The following RABGAP1L variants were observed in gnomAD, a reference collection of about 807,000 sequenced individuals.
The protein encoded by RABGAP1L is RAB GTPase activating protein 1 like, also known as rab GTPase-activating protein 1-like.
RABGAP1L carries 63 observed loss-of-function variants against 137.7 expected under a neutral mutation model. That is an observed-to-expected ratio of 0.46 (90% CI 0.37 to 0.56). The LOEUF (loss-of-function observed/expected upper bound fraction) is 0.56, where lower values mean the gene tolerates loss of function less well. Ranked by LOEUF, RABGAP1L falls within the 20% of genes least tolerant of loss-of-function variation. The probability of loss-of-function intolerance (pLI) is 0.00; values close to 1 mark genes in which losing one functional copy is unlikely to be tolerated. For missense variants in RABGAP1L, 1,095 were observed against 1,244.0 expected (o/e 0.88, Z 1.80); for synonymous variants, 431 against 433.7 (o/e 0.99, Z 0.08).
chr1:174,652,608 C>A (rs1675620132), intron 14 of RABGAP1L, among the ~76,000 whole-genome samples: 1 of 152,198 alleles, frequency 6.6e-6, no homozygotes, highest in South Asian at 2.1e-4. Context: ...ACCTTGTTTG[C>A]CTGCGTATCA....
intron 13 of RABGAP1L, among the ~76,000 whole-genome samples, chr1:174,611,375 G>C (rs182124616): frequency 5.9e-5 from 9 of 152,090 alleles, no homozygotes; most frequent in African/African-American, 2.2e-4. Flanking sequence ...TAGATATGTG[G>C]TGTTACTTCT....
At chr1:174,849,119 C>T (rs1450357622) in intron 19 of RABGAP1L, among the ~76,000 whole-genome samples, 1 of 152,162 alleles carries the variant, frequency 6.6e-6, no homozygotes, top group Non-Finnish European at 1.5e-5. Context: ...TGGCCTGCGC[C>T]CACTGTCTGG....
chr1:174,319,395 C>A (rs562427098), intron 11 of RABGAP1L, among the ~76,000 whole-genome samples: 1 of 152,086 alleles, frequency 6.6e-6, no homozygotes, highest in Admixed American at 6.5e-5. Context: ...ATACAGGTAA[C>A]CTTACTATTC....
rs2149363425 is a variant in RABGAP1L, at chr1:174,968,891, T to G, written c.2434-386T>G. Reference sequence around the variant, plus strand: ...CCTGTTTCATTCCTACTGTGTCTTGTGGTTTCTCTTGAGGTCAAGGGTGAG... The same window carrying G: ...CCTGTTTCATTCCTACTGTGTCTTGGGGTTTCTCTTGAGGTCAAGGGTGAG... On this transcript the variant is annotated intron_variant, in intron 20 of 25. Transcript: ENST00000681986. Among the ~76,000 whole-genome samples, 6 of 152,302 alleles carry G rather than the reference T, an allele frequency of 3.9e-5. No homozygotes were observed. In the Middle Eastern group the frequency reaches 0.02, roughly 518 times the overall value.
rs768168280 is a variant in RABGAP1L, at chr1:174,976,188, A to G, written c.2649+6A>G. On this transcript the variant is annotated splice_donor_region_variant and intron_variant, in intron 22 of 25. Transcript: ENST00000681986. ...AAGAGGAAGAGACTGCCCAGGTAAA[A>G]GGAATAATATGTAGGCTTTTCTTTA... 6.5e-7 allele frequency: 1 copy of G among 1,536,660 alleles called. No homozygotes were observed. Among genetic ancestry groups the G allele is most frequent in the South Asian group, 1.2e-5 (1 of 83,772 alleles).
At chr1:174,246,666 G>A (rs1264382260) in intron 5 of RABGAP1L, among the ~76,000 whole-genome samples, 1 of 152,174 alleles carries the variant, frequency 6.6e-6, no homozygotes, top group Admixed American at 6.5e-5. Flanking sequence ...ATGGAAAGAT[G>A]TGTGTAGGCT....
intron 13 of RABGAP1L, among the ~76,000 whole-genome samples, chr1:174,612,745 G>T (rs1671388718): frequency 1.3e-5 from 2 of 152,130 alleles, no homozygotes; most frequent in Non-Finnish European, 1.5e-5. Context: ...CCTGTTATTG[G>T]TCTATTCAGA....
chr1:174,752,694 A>G (rs1181342988), intron 18 of RABGAP1L, among the ~76,000 whole-genome samples: 5 of 152,046 alleles, frequency 3.3e-5, no homozygotes, highest in African/African-American at 1.2e-4. Flanking sequence ...TTCTTAAAAC[A>G]CTTTTTACTA....
intron 18 of RABGAP1L, among the ~76,000 whole-genome samples, chr1:174,787,519 T>A (rs1337722419): frequency 1.3e-5 from 2 of 151,870 alleles, no homozygotes; most frequent in Admixed American, 6.6e-5. Context: ...AAGAAAAGCA[T>A]AATTTTTAAA....
At chr1:174,487,583 C>T (rs1174990024) in intron 13 of RABGAP1L, among the ~76,000 whole-genome samples, 1 of 152,078 alleles carries the variant, frequency 6.6e-6, no homozygotes, top group Non-Finnish European at 1.5e-5. Flanking sequence ...CATTCAGCCA[C>T]TTTGTGTCTT....
At chr1:174,208,244 C>T (rs1219555329) in intron 1 of RABGAP1L, among the ~76,000 whole-genome samples, 2 of 151,580 alleles carry the variant, frequency 1.3e-5, no homozygotes, top group Admixed American at 6.6e-5. Flanking sequence ...CCTTACTGTA[C>T]TTGCTTATTA....
chr1:174,944,356 A>G (rs1002026982), intron 19 of RABGAP1L, among the ~76,000 whole-genome samples: 1 of 151,974 alleles, frequency 6.6e-6, no homozygotes, highest in African/African-American at 2.4e-5. Flanking sequence ...AAAAATAGCA[A>G]TTCAAGGCCA....
At chr1:174,217,248 C>T (rs1669406109) in intron 1 of RABGAP1L, among the ~76,000 whole-genome samples, 1 of 152,054 alleles carries the variant, frequency 6.6e-6, no homozygotes, top group South Asian at 2.1e-4. Flanking sequence ...TTAGGAATTC[C>T]ATTTTGGTCA....
intron 13 of RABGAP1L, among the ~76,000 whole-genome samples, chr1:174,410,238 G>T (rs1210321800): frequency 6.6e-6 from 1 of 152,094 alleles, no homozygotes; most frequent in Non-Finnish European, 1.5e-5. Flanking sequence ...GGGAAAATAG[G>T]ACTTACGTTG....
intron 17 of RABGAP1L, among the ~76,000 whole-genome samples, chr1:174,728,148 T>C (rs531253282): frequency 5.3e-5 from 8 of 152,354 alleles, no homozygotes; most frequent in Non-Finnish European, 5.9e-5. Context: ...TTGGTATCCA[T>C]TTAAAATTCA....
chr1:174,792,403 TAGAGA>T (rs1304698410), intron 18 of RABGAP1L, among the ~76,000 whole-genome samples: 1 of 152,144 alleles, frequency 6.6e-6, no homozygotes, highest in Admixed American at 6.5e-5. Flanking sequence ...ATGATTAGCT[TAGAGA>T]AAAGAAAATT....
intron 1 of RABGAP1L, among the ~76,000 whole-genome samples, chr1:174,212,374 T>G (rs1668962474): frequency 1.3e-5 from 2 of 151,834 alleles, no homozygotes; most frequent in South Asian, 4.2e-4. Context: ...CTAATAGAAA[T>G]CAGTAACAAA....
intron 19 of RABGAP1L, among the ~76,000 whole-genome samples, chr1:174,911,351 G>A (rs1487130933): frequency 6.6e-6 from 1 of 151,956 alleles, no homozygotes; most frequent in Non-Finnish European, 1.5e-5. Flanking sequence ...GAGTGCAAAC[G>A]GCTTTGTTGA....
At chr1:174,694,430 A>G (rs2148505695) in intron 15 of RABGAP1L, among the ~76,000 whole-genome samples, 1 of 144,956 alleles carries the variant, frequency 6.9e-6, no homozygotes, top group African/African-American at 2.6e-5. Flanking sequence ...GTTCCCACCT[A>G]TGAGGGAGAA....
Sources: gnomAD v4.1 joint callset for allele counts (sites outside exome capture counted in the v4.1 genomes callset) on GRCh38, gnomAD v4.1.1 for gene constraint, MANE v1.5 for transcripts, NCBI Gene and HGNC (gene_info 2026-07-23, HGNC 2026-07-21) for gene names.